The following FAM98B variants were observed in gnomAD, a reference collection of about 807,000 sequenced individuals.
FAM98B encodes the protein tRNA-splicing ligase complex subunit FAM98B.
Under a neutral mutation model 43.9 loss-of-function variants are expected in FAM98B, and 32 were observed. The ratio of observed to expected loss-of-function variants is 0.73; its 90% CI spans 0.55 to 0.98. The LOEUF (loss-of-function observed/expected upper bound fraction) is 0.98. Ranked by LOEUF, FAM98B falls within the 50% of genes least tolerant of loss-of-function variation. The pLI is 0.00. For missense variants in FAM98B, 514 were observed against 522.9 expected, an observed-to-expected ratio of 0.98 and a Z score of 0.17; for synonymous variants, 190 against 174.0, an observed-to-expected ratio of 1.09 and a Z score of -0.72.
chr15:38,471,493 G>T lies in FAM98B; in HGVS notation c.531+1088G>T, dbSNP rs184688079. On this transcript the variant is annotated intron_variant, in intron 4 of 7. Coordinates refer to ENST00000397609, the MANE Select transcript of FAM98B (RefSeq NM_173611.4). ...TCTGAGCTCATTATAATTCAAAGAG[G>T]CTATTCCATTTTATGGTTTTTATTT... 3.3e-5 allele frequency among the ~76,000 whole-genome samples: 5 copies of T among 152,100 alleles called. No homozygotes were observed. The East Asian group carries it at 5.8e-4, about 18-fold the overall frequency.
chr15:38,458,296 C>G (rs555239818), intron 1 of FAM98B, among the ~76,000 whole-genome samples: 1 of 152,302 alleles, frequency 6.6e-6, no homozygotes, highest in South Asian at 2.1e-4. Context: ...CCTGGAGCAC[C>G]CAAAGGCATA....
At chr15:38,464,456 A>G (rs1473265452) in intron 2 of FAM98B, among the ~76,000 whole-genome samples, 1 of 152,020 alleles carries the variant, frequency 6.6e-6, no homozygotes, top group African/African-American at 2.4e-5. Flanking sequence ...ATTGTTTTTT[A>G]GAAAAAGTAG....
intron 1 of FAM98B, among the ~76,000 whole-genome samples, chr15:38,460,871 A>G (rs1048848991): frequency 1.3e-5 from 2 of 152,130 alleles, no homozygotes; most frequent in Non-Finnish European, 2.9e-5. Flanking sequence ...TATCTACCTT[A>G]TAGGGTATTG....
At chr15:38,479,198 C>A (rs190444681) in intron 6 of FAM98B, among the ~76,000 whole-genome samples, 1 of 152,234 alleles carries the variant, frequency 6.6e-6, no homozygotes, top group Non-Finnish European at 1.5e-5. Context: ...AAACTCCTGG[C>A]CTCAAGTAAT....
intron 1 of FAM98B, among the ~76,000 whole-genome samples, chr15:38,455,813 A>G (rs1004277026): frequency 6.6e-6 from 1 of 152,204 alleles, no homozygotes; most frequent in Non-Finnish European, 1.5e-5. Flanking sequence ...TAGAAAATTC[A>G]TTGCTATAAT....
chr15:38,473,435 T>C (rs1433767742), intron 4 of FAM98B, 70 bp from the exon 5 acceptor site: 10 of 1,163,670 alleles, frequency 8.6e-6, no homozygotes, highest in Middle Eastern at 2.8e-4. Flanking sequence ...AGAGCGATAC[T>C]TTAAACAAGC....
chr15:38,456,493 G>A (rs979710786), intron 1 of FAM98B, among the ~76,000 whole-genome samples: 2 of 152,192 alleles, frequency 1.3e-5, no homozygotes, highest in South Asian at 2.1e-4. Flanking sequence ...ATTGGACCTC[G>A]TTCTGAGGAG....
At chr15:38,468,240 C>G (rs1890069833) in intron 3 of FAM98B, among the ~76,000 whole-genome samples, 2 of 152,100 alleles carry the variant, frequency 1.3e-5, no homozygotes, top group African/African-American at 4.8e-5. Flanking sequence ...CAAGTTTAAT[C>G]AAGTTTTTAT....
Position 38,454,223 on chromosome 15 carries a change from A to G in FAM98B, c.62A>G (p.Glu21Gly), listed in dbSNP as rs775538737. Residue 21 changes from glutamate to glycine, a missense_variant, in exon 1 of 8, where the codon GAG (glutamate) becomes GGG (glycine). Around this residue, in one of 2 missense-constraint regions of FAM98B, gnomAD observed 469 missense variants for 451.8 expected, o/e 1.04. Transcript: ENST00000397609. ...GAGGGAGACGTGCTGGACACACTGG[A>G]GGCGCTGGGGTGAGTGCTTTTGGAG... ...TMEGDVLDTL[E>G]ALGYKGPLLE... 14 of 1,602,716 alleles carry G rather than the reference A, an allele frequency of 8.7e-6. No homozygotes were observed. The highest frequency in any genetic ancestry group is 1.1e-5 in the South Asian group (1 of 88,096).
chr15:38,468,010 G>A (rs180798517), intron 3 of FAM98B, among the ~76,000 whole-genome samples: 44 of 152,244 alleles, frequency 2.9e-4, no homozygotes, highest in African/African-American at 1.0e-3. Context: ...AGAAATTAAT[G>A]GTGATTGCCT....
At chr15:38,470,507 T>G in intron 4 of FAM98B, 102 bp downstream of exon 4, 1 of 1,070,148 alleles carries the variant, frequency 9.3e-7, no homozygotes. Context: ...GGTATACATT[T>G]TATTTCAAGA....
intron 1 of FAM98B, chr15:38,459,415 C>A: frequency 2.6e-6 from 1 of 381,522 alleles, no homozygotes; most frequent in Non-Finnish European, 5.2e-6. Context: ...GCGAAAATAG[C>A]AGACAAGGGC....
chr15:38,458,710 A>C, intron 1 of FAM98B: 1 of 272,136 alleles, frequency 3.7e-6, no homozygotes. Flanking sequence ...AGCATAGGAA[A>C]GACCCTTACT....
chr15:38,463,402 A>C (rs1005430973), intron 1 of FAM98B, among the ~76,000 whole-genome samples: 3 of 151,978 alleles, frequency 2.0e-5, no homozygotes, highest in African/African-American at 7.3e-5. Flanking sequence ...GAGGCATGAG[A>C]ATCCCTTGAA....
intron 4 of FAM98B, among the ~76,000 whole-genome samples, chr15:38,471,430 G>A (rs1196029743): frequency 6.6e-6 from 1 of 151,998 alleles, no homozygotes; most frequent in Non-Finnish European, 1.5e-5. Context: ...TCTGGGGTTG[G>A]CTAAATTTTC....
At chr15:38,468,188 T>A (rs754603997) in intron 3 of FAM98B, among the ~76,000 whole-genome samples, 2 of 152,348 alleles carry the variant, frequency 1.3e-5, no homozygotes, top group Non-Finnish European at 2.9e-5. Flanking sequence ...CAAGGTTCTG[T>A]CTAAAATATA....
chr15:38,472,609 A>T (rs576364136), intron 4 of FAM98B, among the ~76,000 whole-genome samples: 9 of 152,186 alleles, frequency 5.9e-5, no homozygotes, highest in African/African-American at 1.9e-4. Flanking sequence ...AAACTCTTGA[A>T]TTTAGAGCTT....
intron 4 of FAM98B, among the ~76,000 whole-genome samples, chr15:38,472,147 T>A (rs1022890816): frequency 1.3e-4 from 20 of 152,266 alleles, no homozygotes; most frequent in African/African-American, 4.6e-4. Flanking sequence ...ATTTTCAGAT[T>A]TATTAAAACT....
chr15:38,481,232 T>G lies in FAM98B; in HGVS notation c.730-60T>G, dbSNP rs1259630480. On this transcript the variant is annotated intron_variant, in intron 6 of 7. Transcript: ENST00000397609. ...TCTTTATTTCTAAAGATTATGATTG[T>G]TTTTGCTCTTTCATTAAAATGTACT... 2.1e-6 allele frequency: 3 copies of G among 1,406,598 alleles called. No individual in the cohort carries two copies. The East Asian group carries it at 6.9e-5, about 32-fold the overall frequency. 87.1% of individuals were successfully genotyped at this position (1,406,598 alleles called of 1,614,324 possible).
Sources: allele counts gnomAD v4.1 joint callset (sites outside exome capture counted in the v4.1 genomes callset), GRCh38; gene constraint gnomAD v4.1.1; regional missense constraint gnomAD v4.1.1; transcripts MANE v1.5; gene names NCBI Gene and HGNC (gene_info 2026-07-23, HGNC 2026-07-21).